Variants in DOCK3 observed in about 807,000 individuals in gnomAD.
DOCK3 encodes the protein dedicator of cytokinesis protein 3.
In DOCK3, 60 loss-of-function variants were observed where a neutral mutation model predicts 265.6. That is an observed-to-expected ratio of 0.23 (90% CI 0.18 to 0.28). DOCK3 has a LOEUF of 0.28. Among genes scored for constraint, DOCK3 ranks in the 10% least tolerant of loss-of-function variants. The probability of loss-of-function intolerance (pLI) is 1.00; values close to 1 mark genes in which losing one functional copy is unlikely to be tolerated. For missense variants in DOCK3, 1,981 were observed against 2,594.3 expected (o/e 0.76, Z 5.14); for synonymous variants, 881 against 938.0 (o/e 0.94, Z 1.11).
chr3:51,327,035 G>A (rs553943526), intron 32 of DOCK3, among the ~76,000 whole-genome samples: 4 of 152,226 alleles, frequency 2.6e-5, no homozygotes, highest in African/African-American at 9.6e-5. Context: ...CTGGATCAAA[G>A]AGTCAGAAAC....
At chr3:51,271,080 G>C in intron 24 of DOCK3, 73 bp downstream of exon 24, 1 of 1,463,536 alleles carries the variant, frequency 6.8e-7, no homozygotes, top group Non-Finnish European at 9.2e-7. Flanking sequence ...TGATAGCAAA[G>C]TGATAATCAA....
At chr3:50,830,224 A>G (rs2107092146) in intron 2 of DOCK3, among the ~76,000 whole-genome samples, 1 of 152,346 alleles carries the variant, frequency 6.6e-6, no homozygotes, top group African/African-American at 2.4e-5. Context: ...CAGTATTTTT[A>G]AAAGGGTGTA....
At chr3:51,162,101 CTG>C (rs536299998) in intron 12 of DOCK3, among the ~76,000 whole-genome samples, 189 of 152,274 alleles carry the variant, frequency 1.2e-3, no homozygotes, top group Middle Eastern at 6.8e-3. Context: ...ATATTTAAAA[CTG>C]TGAGAATTTT....
intron 33 of DOCK3, among the ~76,000 whole-genome samples, chr3:51,332,740 C>T (rs143031308): frequency 6.6e-6 from 1 of 152,302 alleles, no homozygotes; most frequent in African/African-American, 2.4e-5. Context: ...GTGATAAAGA[C>T]AGTCAGCCAT....
chr3:50,783,068 A>G (rs1442217870), intron 2 of DOCK3, among the ~76,000 whole-genome samples: 1 of 149,690 alleles, frequency 6.7e-6, no homozygotes, highest in Non-Finnish European at 1.5e-5. Context: ...TTCTTTATGC[A>G]CTCATTGACT....
chr3:51,258,431 A>G (rs1200399468), intron 22 of DOCK3, among the ~76,000 whole-genome samples: 2 of 152,254 alleles, frequency 1.3e-5, no homozygotes, highest in East Asian at 1.9e-4. Context: ...TCTATGCATA[A>G]TACATTTTTG....
chr3:51,159,858 A>G (rs969697284), intron 11 of DOCK3, among the ~76,000 whole-genome samples: 1 of 152,202 alleles, frequency 6.6e-6, no homozygotes, highest in African/African-American at 2.4e-5. Context: ...TTTATGATAC[A>G]ACTTTTGGGG....
chr3:50,732,075 G>A (rs1254045055), intron 1 of DOCK3, among the ~76,000 whole-genome samples: 1 of 151,666 alleles, frequency 6.6e-6, no homozygotes, highest in Non-Finnish European at 1.5e-5. Context: ...TCAAGTCCCT[G>A]CTTGGGTGCT....
At chr3:51,042,207 C>T (rs2080562788) in intron 5 of DOCK3, among the ~76,000 whole-genome samples, 1 of 152,058 alleles carries the variant, frequency 6.6e-6, no homozygotes, top group Non-Finnish European at 1.5e-5. Context: ...AAACTGAATC[C>T]AGCAGCACAT....
At chr3:51,239,364 C>T (rs1430092141) in intron 21 of DOCK3, among the ~76,000 whole-genome samples, 1 of 151,868 alleles carries the variant, frequency 6.6e-6, no homozygotes, top group Non-Finnish European at 1.5e-5. Flanking sequence ...CATATGCCAC[C>T]ACACCTGGCT....
intron 23 of DOCK3, among the ~76,000 whole-genome samples, chr3:51,263,899 G>GC (rs1417689622): frequency 6.6e-6 from 1 of 152,186 alleles, no homozygotes; most frequent in Non-Finnish European, 1.5e-5. Flanking sequence ...CATTAGAGGA[G>GC]CACCCAGGTT....
intron 27 of DOCK3, 127 bp from the exon 28 acceptor site, chr3:51,310,105 C>T (rs906867132): frequency 1.4e-6 from 1 of 733,134 alleles, no homozygotes; most frequent in African/African-American, 1.7e-5. Context: ...AAACAACTCA[C>T]AGAGAGAACC....
chr3:51,016,557 C>CATATATTATATATGAT (rs1363421395), intron 5 of DOCK3, among the ~76,000 whole-genome samples: 2,470 of 6,624 alleles, frequency 0.37, 153 homozygotes, highest in Non-Finnish European at 0.41. Flanking sequence ...TTATATATAT[C>CATATATTATATATGAT]ATATATTATA....
At chr3:51,048,516 G>T (rs921519723) in intron 5 of DOCK3, among the ~76,000 whole-genome samples, 10 of 152,150 alleles carry the variant, frequency 6.6e-5, no homozygotes, top group African/African-American at 2.2e-4. Flanking sequence ...CTGATGTTTA[G>T]TATACACTTT....
intron 3 of DOCK3, among the ~76,000 whole-genome samples, chr3:50,871,071 T>C (rs753750334): frequency 6.6e-6 from 1 of 152,118 alleles, no homozygotes; most frequent in African/African-American, 2.4e-5. Context: ...TAATATTCTG[T>C]ATTTTTCTGT....
At chr3:50,808,710 AC>A (rs2043570425) in intron 2 of DOCK3, among the ~76,000 whole-genome samples, 1 of 152,178 alleles carries the variant, frequency 6.6e-6, no homozygotes, top group Admixed American at 6.5e-5. Flanking sequence ...TCTGGATCTT[AC>A]CCTTGAAGGG....
At chr3:51,045,491 G>T (rs1487867052) in intron 5 of DOCK3, among the ~76,000 whole-genome samples, 1 of 152,148 alleles carries the variant, frequency 6.6e-6, no homozygotes, top group African/African-American at 2.4e-5. Flanking sequence ...CAGAATTCCA[G>T]AGACACAAAG....
intron 3 of DOCK3, among the ~76,000 whole-genome samples, chr3:50,862,257 G>C (rs1243516772): frequency 1.3e-5 from 2 of 152,198 alleles, no homozygotes; most frequent in African/African-American, 4.8e-5. Context: ...CTCAGATACT[G>C]TTTGTTGTAG....
intron 40 of DOCK3, among the ~76,000 whole-genome samples, chr3:51,351,623 A>G (rs1468080164): frequency 1.3e-5 from 2 of 150,478 alleles, no homozygotes. Flanking sequence ...GAGTGTTTCT[A>G]GTAGCAGAAT....
Sources: allele counts gnomAD v4.1 joint callset (sites outside exome capture counted in the v4.1 genomes callset), GRCh38; gene constraint gnomAD v4.1.1; transcripts MANE v1.5; gene names NCBI Gene and HGNC (gene_info 2026-07-23, HGNC 2026-07-21).